TOP6BL: variants seen among roughly 807,000 people sequenced by gnomAD.
TOP6BL encodes the protein type 2 DNA topoisomerase 6 subunit B-like.
chr11:66,784,956 C>CTT, the TOP6BL span, among the ~76,000 whole-genome samples: 370 of 95,110 alleles, frequency 3.9e-3, 3 homozygotes, highest in African/African-American at 5.0e-3. Flanking sequence ...TCTAAGATTT[C>CTT]TTTTTTTTTT....
the TOP6BL span, among the ~76,000 whole-genome samples, chr11:66,807,784 G>A: frequency 6.6e-6 from 1 of 152,170 alleles, no homozygotes; most frequent in African/African-American, 2.4e-5. Context: ...AGGACAAGAA[G>A]GCCAAAGAAT....
the TOP6BL span, among the ~76,000 whole-genome samples, chr11:66,796,860 G>GTT: frequency 7.2e-5 from 10 of 138,374 alleles, no homozygotes; most frequent in East Asian, 4.1e-4. Context: ...TAAGACAGTT[G>GTT]TTTTTTTTTT....
At chr11:66,759,555 G>T in the TOP6BL span, among the ~76,000 whole-genome samples, 1 of 152,132 alleles carries the variant, frequency 6.6e-6, no homozygotes, top group African/African-American at 2.4e-5. Flanking sequence ...GTACGGTTTA[G>T]GAGTTTTTGC....
the TOP6BL span, among the ~76,000 whole-genome samples, chr11:66,821,243 A>G: frequency 3.3e-5 from 5 of 151,414 alleles, no homozygotes; most frequent in Admixed American, 3.3e-4. Context: ...GAAATTCATC[A>G]GTGTATTAGT....
chr11:66,813,836 A>C, the TOP6BL span: 1 of 1,606,828 alleles, frequency 6.2e-7, no homozygotes, highest in South Asian at 1.1e-5. Flanking sequence ...AAGATACTAA[A>C]ATTTGGCAGT....
At chr11:66,816,980 C>A in the TOP6BL span, among the ~76,000 whole-genome samples, 1 of 151,930 alleles carries the variant, frequency 6.6e-6, no homozygotes, top group Non-Finnish European at 1.5e-5. Context: ...ACGGCGAAAC[C>A]CCATCTCTAC....
At chr11:66,843,362 G>T in the TOP6BL span, 1 of 1,268,168 alleles carries the variant, frequency 7.9e-7, no homozygotes, top group African/African-American at 1.7e-5. Flanking sequence ...GGGCCCGGGC[G>T]GGGCGGGGCG....
At chr11:66,789,094 A>T in the TOP6BL span, among the ~76,000 whole-genome samples, 4 of 152,218 alleles carry the variant, frequency 2.6e-5, no homozygotes, top group African/African-American at 9.7e-5. Context: ...CTCAGTCCGT[A>T]ATAGGTATGG....
chr11:66,795,286 T>C, the TOP6BL span, among the ~76,000 whole-genome samples: 3 of 151,606 alleles, frequency 2.0e-5, no homozygotes, highest in Non-Finnish European at 2.9e-5. Flanking sequence ...ATGTATAATA[T>C]ACACTTTCTT....
the TOP6BL span, among the ~76,000 whole-genome samples, chr11:66,804,792 C>A: frequency 6.6e-6 from 1 of 151,886 alleles, no homozygotes; most frequent in Non-Finnish European, 1.5e-5. Flanking sequence ...AAAAATTAGG[C>A]CGGGCGTGGT....
the TOP6BL span, chr11:66,815,579 G>C: frequency 6.5e-6 from 1 of 153,538 alleles, no homozygotes; most frequent in African/African-American, 2.4e-5. Context: ...ACCTATCTGT[G>C]CCTCTTTTCT....
the TOP6BL span, among the ~76,000 whole-genome samples, chr11:66,832,695 T>G: frequency 6.6e-6 from 1 of 152,236 alleles, no homozygotes; most frequent in Non-Finnish European, 1.5e-5. Context: ...CCGCAAATAC[T>G]CTTGCCAGTT....
chr11:66,828,409 A>G, the TOP6BL span: 1 of 1,433,178 alleles, frequency 7.0e-7, no homozygotes, highest in Non-Finnish European at 9.7e-7. Context: ...TTCCATTTTG[A>G]TATATGGGAA....
the TOP6BL span, among the ~76,000 whole-genome samples, chr11:66,766,116 T>A: frequency 6.6e-6 from 1 of 152,210 alleles, no homozygotes; most frequent in Non-Finnish European, 1.5e-5. Context: ...AGTTAATATG[T>A]CTGTAAATTC....
chr11:66,753,082 T>C, the TOP6BL span, among the ~76,000 whole-genome samples: 1 of 151,906 alleles, frequency 6.6e-6, no homozygotes, highest in Non-Finnish European at 1.5e-5. Flanking sequence ...TGAGCCAAGA[T>C]CACACCACTG....
At chr11:66,831,896 C>T in the TOP6BL span, among the ~76,000 whole-genome samples, 3 of 144,932 alleles carry the variant, frequency 2.1e-5, no homozygotes, top group African/African-American at 7.7e-5. Flanking sequence ...ACTTGGGTGG[C>T]TGAGGCAGGA....
the TOP6BL span, among the ~76,000 whole-genome samples, chr11:66,780,352 T>A: frequency 6.6e-6 from 1 of 152,182 alleles, no homozygotes; most frequent in Non-Finnish European, 1.5e-5. Flanking sequence ...TTTCTGGTGC[T>A]CTTCATTTCT....
At chr11:66,750,509 C>G in the TOP6BL span, among the ~76,000 whole-genome samples, 1 of 152,198 alleles carries the variant, frequency 6.6e-6, no homozygotes, top group East Asian at 1.9e-4. Context: ...GATCGCACCA[C>G]TGCACTCCAG....
chr11:66,748,498 T>C, the TOP6BL span: 7 of 1,546,302 alleles, frequency 4.5e-6, no homozygotes, highest in Non-Finnish European at 6.1e-6. Context: ...AGGCAAATGC[T>C]CTTCATTGTG....
Sources: gnomAD v4.1 joint callset for allele counts (sites outside exome capture counted in the v4.1 genomes callset) on GRCh38, gnomAD v4.1.1 for gene constraint, MANE v1.5 for transcripts, NCBI Gene and HGNC (gene_info 2026-07-23, HGNC 2026-07-21) for gene names.